The following RAPGEF4 variants were observed in gnomAD, a reference collection of about 807,000 sequenced individuals.
The protein encoded by RAPGEF4 is Rap guanine nucleotide exchange factor 4.
RAPGEF4 carries 66 observed loss-of-function variants against 147.9 expected under a neutral mutation model. The ratio of observed to expected loss-of-function variants is 0.45; its 90% CI spans 0.37 to 0.55. The LOEUF (loss-of-function observed/expected upper bound fraction) is 0.55. Ranked by LOEUF, RAPGEF4 falls within the 20% of genes least tolerant of loss-of-function variation. The pLI is 0.00. For missense variants in RAPGEF4, 1,071 were observed against 1,257.3 expected (o/e 0.85, Z 2.24); for synonymous variants, 419 against 442.7 (o/e 0.95, Z 0.67).
chr2:172,998,384 G>T (rs563533924), intron 16 of RAPGEF4, among the ~76,000 whole-genome samples: 1 of 152,310 alleles, frequency 6.6e-6, no homozygotes, highest in Admixed American at 6.5e-5. Flanking sequence ...ACGAAGGAAA[G>T]GTTTAAGAAT....
chr2:173,024,379 G>A lies in RAPGEF4; in HGVS notation c.2254-2193G>A, dbSNP rs555970614. ...ACTACAGGCGCCCGCCACTACGCCC[G>A]GCTAATTTTTTGTATTTTTAGTAGA... On this transcript the variant is annotated intron_variant, in intron 23 of 30. Transcript: ENST00000397081. Among the ~76,000 whole-genome samples, 27 of 149,382 alleles carry A rather than the reference G, an allele frequency of 1.8e-4. 1 individual carries two copies. The highest frequency in any genetic ancestry group is 5.6e-4 in the African/African-American group (23 of 41,130).
chr2:172,783,761 T>C (rs1416216885), intron 1 of RAPGEF4, among the ~76,000 whole-genome samples: 2 of 146,268 alleles, frequency 1.4e-5, no homozygotes, highest in East Asian at 4.5e-4. Flanking sequence ...TGTATGTGCT[T>C]GTGTGTATGT....
intron 10 of RAPGEF4, 28 bp from the exon 11 acceptor site, chr2:172,983,468 A>G (rs374229340): frequency 6.4e-6 from 10 of 1,568,644 alleles, no homozygotes; most frequent in Admixed American, 1.9e-5. Context: ...CTTTTTCCAT[A>G]TTCCTTTTTT....
intron 23 of RAPGEF4, among the ~76,000 whole-genome samples, chr2:173,023,839 C>G (rs761333426): frequency 6.6e-6 from 1 of 152,130 alleles, no homozygotes; most frequent in African/African-American, 2.4e-5. Flanking sequence ...GCAGGAATAA[C>G]GTAGGAGGGG....
chr2:172,785,160 G>A (rs1685078342), intron 1 of RAPGEF4, among the ~76,000 whole-genome samples: 1 of 152,106 alleles, frequency 6.6e-6, no homozygotes, highest in Non-Finnish European at 1.5e-5. Context: ...TATCTAACAG[G>A]GCTGCAATGA....
intron 29 of RAPGEF4, among the ~76,000 whole-genome samples, chr2:173,043,368 G>A (rs1384964238): frequency 6.6e-6 from 1 of 152,204 alleles, no homozygotes; most frequent in East Asian, 1.9e-4. Flanking sequence ...GCATTTAGAA[G>A]AGGCCTGACG....
intron 6 of RAPGEF4, among the ~76,000 whole-genome samples, chr2:172,959,713 G>A (rs1037613800): frequency 6.6e-6 from 1 of 152,140 alleles, no homozygotes; most frequent in Admixed American, 6.5e-5. Flanking sequence ...AAACGAAGGG[G>A]TTTCTGTAAG....
intron 29 of RAPGEF4, among the ~76,000 whole-genome samples, chr2:173,043,632 T>C (rs1685047298): frequency 6.6e-6 from 1 of 152,214 alleles, no homozygotes; most frequent in Non-Finnish European, 1.5e-5. Flanking sequence ...CACAAAGTCC[T>C]GGTAGGCTAT....
At chr2:172,952,248 C>T (rs1161229648) in intron 6 of RAPGEF4, among the ~76,000 whole-genome samples, 1 of 152,050 alleles carries the variant, frequency 6.6e-6, no homozygotes, top group African/African-American at 2.4e-5. Context: ...AGTGCCAGTC[C>T]ATGAAAGTTG....
chr2:173,048,798 C>A, intron 30 of RAPGEF4, 144 bp downstream of exon 30: 2 of 1,441,420 alleles, frequency 1.4e-6, no homozygotes. Flanking sequence ...GAGATAGGGG[C>A]CTTGAGTTTA....
intron 1 of RAPGEF4, among the ~76,000 whole-genome samples, chr2:172,751,012 G>T (rs941268994): frequency 6.6e-6 from 1 of 152,072 alleles, no homozygotes; most frequent in Non-Finnish European, 1.5e-5. Flanking sequence ...GCAAAAGCTG[G>T]GTTCTTGAAT....
chr2:172,792,260 A>T (rs1433724410), intron 1 of RAPGEF4, among the ~76,000 whole-genome samples: 1 of 152,312 alleles, frequency 6.6e-6, no homozygotes, highest in East Asian at 1.9e-4. Flanking sequence ...AGTTATCTGC[A>T]CCATTGTCCA....
intron 6 of RAPGEF4, 137 bp from the exon 7 acceptor site, chr2:172,960,623 A>G (rs1689185780): frequency 1.6e-6 from 1 of 609,470 alleles, no homozygotes; most frequent in Non-Finnish European, 2.7e-6. Context: ...TTCTTTAGGC[A>G]GAATTTATCT....
intron 6 of RAPGEF4, among the ~76,000 whole-genome samples, chr2:172,926,634 C>T (rs1685391457): frequency 6.6e-6 from 1 of 152,064 alleles, no homozygotes; most frequent in Admixed American, 6.5e-5. Flanking sequence ...TGCAGTGGTG[C>T]AATCTCAGCT....
chr2:172,813,566 T>A (rs1688219787), intron 3 of RAPGEF4, among the ~76,000 whole-genome samples: 1 of 152,186 alleles, frequency 6.6e-6, no homozygotes, highest in Non-Finnish European at 1.5e-5. Context: ...CCACACTGCT[T>A]ATCAACTGTG....
chr2:172,836,380 A>G (rs1690929834), intron 4 of RAPGEF4, among the ~76,000 whole-genome samples: 2 of 152,254 alleles, frequency 1.3e-5, no homozygotes, highest in African/African-American at 2.4e-5. Context: ...TGGCACCACC[A>G]GAACTCAACT....
Position 173,052,444 on chromosome 2 carries a change from A to C in RAPGEF4, c.*677A>C, listed in dbSNP as rs1334310367. On this transcript the variant is annotated 3_prime_UTR_variant, in exon 31 of 31. Coordinates refer to ENST00000397081, the MANE Select transcript of RAPGEF4 (RefSeq NM_007023.4). ...GATTATATACATAAGAATTCCACTA[A>C]GAAATGCCAAGATTCTTAAATTTGC... The C allele has an allele frequency of 6.5e-6, 1 of 152,680 alleles. No homozygotes were observed. 9.5% of individuals were successfully genotyped at this position (152,680 alleles called of 1,614,324 possible).
Position 173,026,540 on chromosome 2 carries a change from T to C in RAPGEF4, c.2254-32T>C, listed in dbSNP as rs768891534. On this transcript the variant is annotated intron_variant, in intron 23 of 30. Coordinates refer to ENST00000397081, the MANE Select transcript of RAPGEF4 (RefSeq NM_007023.4). Reference sequence around the variant, plus strand: ...GTGCTAAATACTTGTCTGTGTTGAGTTTCTGATATGTTTTTGCATTATTAT... The same window carrying C: ...GTGCTAAATACTTGTCTGTGTTGAGCTTCTGATATGTTTTTGCATTATTAT... 1.7e-5 allele frequency: 27 copies of C among 1,604,978 alleles called. 1 individual carries two copies. Among genetic ancestry groups the C allele is most frequent in the Admixed American group, 6.8e-5 (4 of 58,898 alleles).
At chr2:172,858,915 A>G (rs568485441) in intron 4 of RAPGEF4, among the ~76,000 whole-genome samples, 1 of 152,314 alleles carries the variant, frequency 6.6e-6, no homozygotes, top group South Asian at 2.1e-4. Flanking sequence ...CGGTTGGGGA[A>G]GAACCTGAAA....
Sources: allele counts gnomAD v4.1 joint callset (sites outside exome capture counted in the v4.1 genomes callset), GRCh38; gene constraint gnomAD v4.1.1; transcripts MANE v1.5; gene names NCBI Gene and HGNC (gene_info 2026-07-23, HGNC 2026-07-21).